ATRN: variants seen among roughly 807,000 people sequenced by gnomAD.
ATRN encodes attractin, also known as attractin-2.
ATRN carries 54 observed loss-of-function variants against 178.7 expected under a neutral mutation model. That is an observed-to-expected ratio of 0.30 (90% confidence interval 0.24 to 0.38). The LOEUF (loss-of-function observed/expected upper bound fraction) is 0.38, where lower values mean the gene tolerates loss of function less well. Among genes scored for constraint, ATRN ranks in the 10% least tolerant of loss-of-function variants. ATRN has a pLI of 1.00. For missense variants in ATRN, 1,443 were observed against 1,815.1 expected (o/e 0.79, Z 3.73); for synonymous variants, 636 against 663.0 (o/e 0.96, Z 0.63).
chr20:3,631,374 C>T (rs73581442), intron 25 of ATRN, among the ~76,000 whole-genome samples: 459 of 152,122 alleles, frequency 3.0e-3, no homozygotes, highest in African/African-American at 0.01. Flanking sequence ...GGGGGAAATT[C>T]GATGATTCAA....
At chr20:3,609,298 G>A (rs976097373) in intron 24 of ATRN, among the ~76,000 whole-genome samples, 7 of 152,012 alleles carry the variant, frequency 4.6e-5, no homozygotes, top group Non-Finnish European at 7.4e-5. Context: ...AAAATCTATC[G>A]AGAATGGGAT....
intron 6 of ATRN, among the ~76,000 whole-genome samples, chr20:3,557,813 A>G (rs2146216172): frequency 6.6e-6 from 1 of 152,366 alleles, no homozygotes; most frequent in East Asian, 1.9e-4. Flanking sequence ...TCTGTACAAA[A>G]ATAAATTGCA....
rs770744107 is a variant in ATRN at position 3,634,377 on chromosome 20, C to T, written c.3930C>T (p.Ser1310=). The T allele has an allele frequency of 1.6e-5, 26 of 1,612,730 alleles. No homozygotes were observed. The highest frequency in any genetic ancestry group is 2.2e-5 in the South Asian group (2 of 90,940). ...AGATCAAACAAAGTTGTTGGGCCTC[C>T]AGACGTAGAGAGGTAAGCTTCAGTG... ...VWKIKQSCWA[S]RRREQLLREM... Residue 1310 remains serine (S), a synonymous_variant, in exon 26 of 29, where the codon TCC becomes TCT. Coordinates refer to ENST00000262919, the MANE Select transcript of ATRN (RefSeq NM_139321.3).
intron 24 of ATRN, among the ~76,000 whole-genome samples, chr20:3,605,691 T>C (rs548148042): frequency 1.3e-5 from 2 of 152,242 alleles, no homozygotes; most frequent in Admixed American, 1.3e-4. Flanking sequence ...CACTCGTAAG[T>C]GGGAGCCGAG....
intron 1 of ATRN, among the ~76,000 whole-genome samples, chr20:3,506,212 A>G (rs1286216259): frequency 2.6e-5 from 4 of 152,212 alleles, no homozygotes; most frequent in Admixed American, 2.6e-4. Context: ...AAACTGGTCA[A>G]AGTGTACAAG....
chr20:3,550,939 T>C (rs1304095767), intron 6 of ATRN, among the ~76,000 whole-genome samples: 1 of 152,204 alleles, frequency 6.6e-6, no homozygotes, highest in African/African-American at 2.4e-5. Context: ...TGTGTCATTA[T>C]CAATAACTGC....
chr20:3,499,720 C>T (rs2084929682), intron 1 of ATRN, among the ~76,000 whole-genome samples: 1 of 149,642 alleles, frequency 6.7e-6, no homozygotes, highest in Non-Finnish European at 1.5e-5. Context: ...AGACCTAAAA[C>T]CATAAAAACC....
chr20:3,515,226 C>T (rs904363687), intron 1 of ATRN, among the ~76,000 whole-genome samples: 1 of 151,918 alleles, frequency 6.6e-6, no homozygotes, highest in Non-Finnish European at 1.5e-5. Flanking sequence ...TTGCATTATT[C>T]CTAGTTTTTA....
At chr20:3,553,556 A>T (rs1472756369) in intron 6 of ATRN, among the ~76,000 whole-genome samples, 1 of 152,184 alleles carries the variant, frequency 6.6e-6, no homozygotes, top group Non-Finnish European at 1.5e-5. Context: ...CTTAAAACCC[A>T]TCAGTGTCTT....
intron 1 of ATRN, among the ~76,000 whole-genome samples, chr20:3,486,945 A>G: frequency 6.6e-6 from 1 of 152,164 alleles, no homozygotes; most frequent in South Asian, 2.1e-4. Flanking sequence ...TACGACTTTT[A>G]GACAGACACA....
At chr20:3,489,121 A>G (rs2084741401) in intron 1 of ATRN, among the ~76,000 whole-genome samples, 1 of 152,104 alleles carries the variant, frequency 6.6e-6, no homozygotes, top group South Asian at 2.1e-4. Flanking sequence ...CCACCATGCC[A>G]GACTAATTTT....
intron 6 of ATRN, among the ~76,000 whole-genome samples, chr20:3,555,268 G>A (rs1260235964): frequency 1.3e-5 from 2 of 152,050 alleles, no homozygotes; most frequent in African/African-American, 4.8e-5. Context: ...CTCCCAAAGT[G>A]CTGGGATTAC....
chr20:3,634,324 T>C lies in ATRN; in HGVS notation c.3877T>C (p.Leu1293=). The change falls in exon 26 of 29, where the codon TTG becomes CTG. Residue 1293 remains leucine, a synonymous_variant. Coordinates refer to ENST00000262919, the MANE Select transcript of ATRN (RefSeq NM_139321.3). ...FVTFFSCFLS[L]LLVAAVVWKI... ...CCTTTCTCACAGTTGTTTCCTCTCT[T>C]TGCTCCTGGTGGCTGCTGTGGTTTG... 6.2e-7 allele frequency: 1 copy of C among 1,612,450 alleles called. No individual in the cohort carries two copies. The highest frequency in any genetic ancestry group is 8.5e-7 in the Non-Finnish European group (1 of 1,178,752).
At chr20:3,615,112 G>A (rs1046334207) in intron 24 of ATRN, among the ~76,000 whole-genome samples, 5 of 152,034 alleles carry the variant, frequency 3.3e-5, no homozygotes, top group East Asian at 3.9e-4. Context: ...GTGCATATCC[G>A]TACCTCCTGG....
chr20:3,570,432 T>C (rs891000027), intron 11 of ATRN, among the ~76,000 whole-genome samples: 1 of 152,210 alleles, frequency 6.6e-6, no homozygotes, highest in Admixed American at 6.5e-5. Context: ...ACTTCATAGG[T>C]TTATTTCTTT....
chr20:3,493,657 C>G lies in ATRN; in HGVS notation c.410+22140C>G, dbSNP rs112227061. On this transcript the variant is annotated intron_variant, in intron 1 of 28. Transcript: ENST00000262919. ...TGGCTGCTGTAAACCAATGGACTTT[C>G]TTTGTTCTTGAACCAAGCTAGGCAT... 3.2e-3 allele frequency among the ~76,000 whole-genome samples: 487 copies of G among 152,226 alleles called. 1 individual carries two copies. The highest frequency in any genetic ancestry group is 6.8e-3 in the Middle Eastern group (2 of 294).
chr20:3,536,937 G>A (rs2085541510), intron 2 of ATRN, among the ~76,000 whole-genome samples: 2 of 152,292 alleles, frequency 1.3e-5, no homozygotes, highest in South Asian at 2.1e-4. Flanking sequence ...TATGGAATCT[G>A]AAACTATGTT....
intron 1 of ATRN, chr20:3,490,993 G>A (rs1361208160): frequency 6.6e-7 from 1 of 1,524,746 alleles, no homozygotes; most frequent in African/African-American, 1.4e-5. Flanking sequence ...TGCTGCTCCA[G>A]TATTGTCTCC....
chr20:3,524,638 G>A (rs574461413), intron 1 of ATRN, among the ~76,000 whole-genome samples: 6 of 152,252 alleles, frequency 3.9e-5, no homozygotes, highest in South Asian at 2.1e-4. Flanking sequence ...CATGGCACTT[G>A]TCCTAAAATT....
Sources: allele counts gnomAD v4.1 joint callset (sites outside exome capture counted in the v4.1 genomes callset), GRCh38; gene constraint gnomAD v4.1.1; transcripts MANE v1.5; gene names NCBI Gene and HGNC (gene_info 2026-07-23, HGNC 2026-07-21).